Variants in KIAA1217 observed in about 807,000 individuals in gnomAD.
KIAA1217 encodes KIAA1217, also known as sickle tail protein homolog.
In KIAA1217, 88 loss-of-function variants were observed where a neutral mutation model predicts 163.9. The observed-to-expected ratio is 0.54, with a 90% CI of 0.45 to 0.64. The LOEUF (loss-of-function observed/expected upper bound fraction) is 0.64, where lower values mean the gene tolerates loss of function less well. KIAA1217 is among the 30% of genes least tolerant of loss of function. KIAA1217 has a pLI of 0.00. For missense variants in KIAA1217, 2,372 were observed against 2,475.0 expected (o/e 0.96, Z 0.88); for synonymous variants, 903 against 923.1 (o/e 0.98, Z 0.39).
intron 16 of KIAA1217, among the ~76,000 whole-genome samples, chr10:24,534,269 G>A (rs530970608): frequency 2.6e-5 from 4 of 152,316 alleles, no homozygotes; most frequent in South Asian, 4.1e-4. Flanking sequence ...TGTCACATAC[G>A]TGAGCCCTTT....
intron 2 of KIAA1217, among the ~76,000 whole-genome samples, chr10:24,257,961 A>G (rs1159117844): frequency 6.6e-6 from 1 of 151,910 alleles, no homozygotes; most frequent in African/African-American, 2.4e-5. Context: ...AAAGATGGCC[A>G]CAGAAGCAGA....
In KIAA1217 at chr10:24,524,306, T is replaced by C; in HGVS notation, c.2457-17T>C. ...AGTGACATGAGGGTTAATGCCGCTG[T>C]GCATGGTTTCTCCTAGACATGTCAC... On this transcript the variant is annotated splice_polypyrimidine_tract_variant and intron_variant, in intron 12 of 20. Transcript: ENST00000376454. 1 of 1,598,156 alleles carries C rather than the reference T, an allele frequency of 6.3e-7. No individual in the cohort carries two copies. Among genetic ancestry groups the C allele is most frequent in the Non-Finnish European group, 8.6e-7 (1 of 1,167,276 alleles).
intron 3 of KIAA1217, among the ~76,000 whole-genome samples, chr10:24,387,349 A>C (rs1213177461): frequency 6.6e-6 from 1 of 152,208 alleles, no homozygotes; most frequent in East Asian, 1.9e-4. Flanking sequence ...CGACAAGATT[A>C]AACAGCCTTC....
chr10:23,750,474 G>A (rs981395011), intron 1 of KIAA1217, among the ~76,000 whole-genome samples: 7 of 152,028 alleles, frequency 4.6e-5, no homozygotes, highest in African/African-American at 1.7e-4. Context: ...CCTCTTCACA[G>A]TTTGGCTTTT....
intron 1 of KIAA1217, among the ~76,000 whole-genome samples, chr10:23,718,849 G>A (rs1489232066): frequency 2.1e-5 from 3 of 144,538 alleles, no homozygotes; most frequent in Non-Finnish European, 4.4e-5. Flanking sequence ...AGGGAGGGAG[G>A]GGGAGAGAGA....
At chr10:24,055,978 A>G (rs908038256) in intron 2 of KIAA1217, among the ~76,000 whole-genome samples, 3 of 152,186 alleles carry the variant, frequency 2.0e-5, no homozygotes, top group African/African-American at 7.2e-5. Context: ...AAATACCCCA[A>G]ATGTCTTTTA....
intron 2 of KIAA1217, among the ~76,000 whole-genome samples, chr10:24,293,664 G>A (rs552738093): frequency 2.6e-5 from 4 of 152,334 alleles, no homozygotes; most frequent in South Asian, 2.1e-4. Context: ...TCTTGTGTCT[G>A]TGCTTCAGCA....
intron 2 of KIAA1217, among the ~76,000 whole-genome samples, chr10:24,276,545 A>C (rs2077305168): frequency 1.3e-5 from 2 of 151,782 alleles, no homozygotes; most frequent in South Asian, 4.2e-4. Flanking sequence ...CCTGGACTCA[A>C]GTGATGCTCC....
chr10:24,413,944 T>C (rs965776088), intron 3 of KIAA1217, among the ~76,000 whole-genome samples: 11 of 152,230 alleles, frequency 7.2e-5, no homozygotes, highest in Non-Finnish European at 1.6e-4. Flanking sequence ...CAATAGAAGC[T>C]ATGATCTCTG....
intron 20 of KIAA1217, chr10:24,545,480 T>C: frequency 3.1e-6 from 4 of 1,279,846 alleles, no homozygotes; most frequent in Non-Finnish European, 4.0e-6. Context: ...TTGACTGTAT[T>C]GTGTTAGAAG....
At chr10:24,118,355 A>G (rs1259822830) in intron 2 of KIAA1217, among the ~76,000 whole-genome samples, 1 of 152,178 alleles carries the variant, frequency 6.6e-6, no homozygotes, top group Non-Finnish European at 1.5e-5. Flanking sequence ...TCTGTAGCGC[A>G]GAGACAGCAT....
intron 2 of KIAA1217, among the ~76,000 whole-genome samples, chr10:24,309,145 G>A (rs1460627593): frequency 5.5e-5 from 7 of 128,006 alleles, no homozygotes; most frequent in Non-Finnish European, 8.3e-5. Flanking sequence ...AAAAAGGAAG[G>A]AAGGAAGGGA....
At chr10:23,802,457 A>G (rs878948187) in intron 1 of KIAA1217, among the ~76,000 whole-genome samples, 2 of 152,182 alleles carry the variant, frequency 1.3e-5, no homozygotes, top group Admixed American at 1.3e-4. Flanking sequence ...CTGGTAATCT[A>G]TCTAATCTAT....
chr10:23,946,218 G>T (rs1844032573), intron 1 of KIAA1217, among the ~76,000 whole-genome samples: 1 of 144,684 alleles, frequency 6.9e-6, no homozygotes, highest in South Asian at 2.1e-4. Flanking sequence ...ACAGCCTTCT[G>T]CCCAAGGAAA....
chr10:24,219,886 C>A lies in KIAA1217; in HGVS notation c.331C>A (p.His111Asn). 1 of 1,605,954 alleles carries A rather than the reference C, an allele frequency of 6.2e-7. No individual in the cohort carries two copies. The highest frequency in any genetic ancestry group is 1.1e-5 in the South Asian group (1 of 89,930). ...CCACCACGCCTCTGCAATCATGGGT[C>A]ACCAAGAGAGGCTGAGAGACCAGGT... ...YPHHASAIMG[H>N]QERLRDQTRS... Residue 111 changes from histidine to asparagine, a missense_variant, in exon 2 of 21, where the codon CAC (histidine) becomes AAC (asparagine). This residue lies in a region of KIAA1217 where 1,431 missense variants were observed against 1,470.3 expected (regional missense o/e 0.97). Transcript: ENST00000376454.
intron 1 of KIAA1217, among the ~76,000 whole-genome samples, chr10:23,922,014 C>T (rs1240483528): frequency 2.0e-5 from 3 of 152,036 alleles, no homozygotes; most frequent in African/African-American, 7.2e-5. Flanking sequence ...AGGTACCAGC[C>T]ATGTGATGAG....
chr10:23,865,151 C>T (rs1443225389), intron 1 of KIAA1217, among the ~76,000 whole-genome samples: 1 of 152,124 alleles, frequency 6.6e-6, no homozygotes. Flanking sequence ...AACAAGGTAA[C>T]ATTGACATCC....
intron 2 of KIAA1217, among the ~76,000 whole-genome samples, chr10:24,023,563 C>T (rs1177389217): frequency 6.6e-6 from 1 of 151,454 alleles, no homozygotes; most frequent in Non-Finnish European, 1.5e-5. Context: ...TTCTGTAGGG[C>T]CAACAGTGGG....
chr10:24,299,405 A>G (rs1228679994), intron 2 of KIAA1217, among the ~76,000 whole-genome samples: 2 of 152,048 alleles, frequency 1.3e-5, no homozygotes, highest in Non-Finnish European at 2.9e-5. Context: ...TGCCTTTGAT[A>G]TGTGAGTTTT....
Sources: gnomAD v4.1 joint callset for allele counts (sites outside exome capture counted in the v4.1 genomes callset) on GRCh38, gnomAD v4.1.1 for gene constraint, gnomAD v4.1.1 regional missense constraint, MANE v1.5 for transcripts, NCBI Gene and HGNC (gene_info 2026-07-23, HGNC 2026-07-21) for gene names.